ATM: variants seen among roughly 807,000 people sequenced by gnomAD.
ATM encodes the protein serine-protein kinase ATM.
Under a neutral mutation model 387.0 loss-of-function variants are expected in ATM, and 308 were observed. The ratio of observed to expected loss-of-function variants is 0.80; its 90% CI spans 0.73 to 0.87. The LOEUF is 0.87. Ranked by LOEUF, ATM falls within the 40% of genes least tolerant of loss-of-function variation. The pLI, the probability that ATM is intolerant of heterozygous loss-of-function variation, is 0.00. For missense variants in ATM, 3,312 were observed against 3,560.9 expected (o/e 0.93, Z 1.78); for synonymous variants, 1,156 against 1,187.3 (o/e 0.97, Z 0.54).
At position 108,284,396 on chromosome 11, in the gene ATM, A is replaced by G; in HGVS notation, c.3916A>G (p.Ser1306Gly). The G allele has an allele frequency of 6.2e-7, 1 of 1,614,000 alleles. No homozygotes were observed. The highest frequency in any genetic ancestry group is 1.1e-5 in the South Asian group (1 of 91,076). ...PYFAYEGTRD[S>G]GMAQQRETAT... ...TTTTGCCTATGAGGGTACCAGAGAC[A>G]GTGGGATGGCACAGCAAAGAGAGAC... The change falls in exon 26 of 63, where the codon AGT (serine) becomes GGT (glycine). Residue 1306 changes from serine to glycine, a missense_variant. Physicochemically the swap from Ser to Gly is moderately conservative, Grantham distance 56. Around this residue, in one of 4 missense-constraint regions of ATM, gnomAD observed 1,791 missense variants for 1,804.5 expected, o/e 0.99. Coordinates refer to ENST00000675843, the MANE Select transcript of ATM (RefSeq NM_000051.4).
At chr11:108,358,378 A>G (rs1044284357) in intron 61 of ATM, among the ~76,000 whole-genome samples, 7 of 147,332 alleles carry the variant, frequency 4.8e-5, no homozygotes, top group East Asian at 4.0e-4. Context: ...TCTGCAGGAT[A>G]TTATCCAGGA....
At chr11:108,360,237 C>T (rs2090558266) in intron 61 of ATM, among the ~76,000 whole-genome samples, 1 of 143,770 alleles carries the variant, frequency 7.0e-6, no homozygotes, top group African/African-American at 2.5e-5. Context: ...TCTCCCAAGA[C>T]TAAACCAGGA....
Position 108,326,149 on chromosome 11 carries a change from G to T in ATM, c.6899G>T (p.Trp2300Leu), listed in dbSNP as rs1555119899. Residue 2300 changes from tryptophan (W) to leucine (L), a missense_variant, in exon 47 of 63, where the codon TGG (tryptophan) becomes TTG (leucine). Coordinates refer to ENST00000675843, the MANE Select transcript of ATM (RefSeq NM_000051.4). Reference protein sequence around the residue: ...EWQLEEAQVFWAKKEQSLALS... With the variant: ...EWQLEEAQVFLAKKEQSLALS... Reference sequence around the variant, plus strand: ...CAGCTGGAAGAAGCACAAGTATTCTGGGCAAAAAAGGAGCAGAGTCTTGCC... The same window carrying T: ...CAGCTGGAAGAAGCACAAGTATTCTTGGCAAAAAAGGAGCAGAGTCTTGCC... 1 of 1,613,944 alleles carries T rather than the reference G, an allele frequency of 6.2e-7. No homozygotes were observed. Among genetic ancestry groups the T allele is most frequent in the East Asian group, 2.2e-5 (1 of 44,870 alleles).
rs1337545443 is a variant in ATM, at chr11:108,264,146, A to T, written c.2467-3025A>T. Among the ~76,000 whole-genome samples the T allele has an allele frequency of 5.9e-4, 89 of 151,254 alleles. 1 individual carries two copies. Among genetic ancestry groups the T allele is most frequent in the Non-Finnish European group, 9.3e-4 (63 of 67,990 alleles). On this transcript the variant is annotated intron_variant, in intron 16 of 62. Transcript: ENST00000675843. ...ACTCATTTTATGAGGCCAGCATCAT[A>T]CTGATACCAAAGCCAGGCAGAGACA... is the stretch of plus-strand genomic sequence containing the variant.
intron 34 of ATM, among the ~76,000 whole-genome samples, chr11:108,300,482 C>T (rs1432487763): frequency 6.6e-6 from 1 of 152,142 alleles, no homozygotes; most frequent in Non-Finnish European, 1.5e-5. Flanking sequence ...ACTCCATCAC[C>T]ACCATATTTG....
intron 4 of ATM, among the ~76,000 whole-genome samples, chr11:108,232,527 CTTTTTTTTTTTTTTTTTTT>C (rs71047685): frequency 2.6e-3 from 149 of 58,216 alleles, no homozygotes; most frequent in South Asian, 6.5e-3. Context: ...GATTTCTCTC[CTTTTTTTTTTTTTTTTTTT>C]TTTTTTTTTT....
intron 22 of ATM, among the ~76,000 whole-genome samples, chr11:108,277,190 C>A (rs2081989963): frequency 6.6e-6 from 1 of 152,078 alleles, no homozygotes; most frequent in South Asian, 2.1e-4. Context: ...CTACTGAAGC[C>A]TCAGTAATTG....
At chr11:108,339,389 T>C (rs779372916) in intron 56 of ATM, among the ~76,000 whole-genome samples, 2 of 152,176 alleles carry the variant, frequency 1.3e-5, no homozygotes, top group Non-Finnish European at 2.9e-5. Context: ...TCTATCTCAG[T>C]CATGGTTCTG....
intron 38 of ATM, chr11:108,308,937 A>T: frequency 1.6e-6 from 2 of 1,280,512 alleles, no homozygotes; most frequent in Non-Finnish European, 2.2e-6. Flanking sequence ...TGGTGTTGGG[A>T]GGCAGTTTTA....
At chr11:108,345,619 G>T in intron 57 of ATM, 124 bp from the exon 58 acceptor site, 1 of 754,398 alleles carries the variant, frequency 1.3e-6, no homozygotes, top group Non-Finnish European at 2.1e-6. Flanking sequence ...TTAGCTTCTT[G>T]TAGGTAATGT....
Position 108,366,540 on chromosome 11 carries a change from T to C in ATM, c.*1032T>C, listed in dbSNP as rs2091342093. On this transcript the variant is annotated 3_prime_UTR_variant, in exon 63 of 63. Transcript: ENST00000675843. ...GGCTGTTCATCCAGTTTTGTCTTTT[T>C]GAAAAGTGAGTTTATTTTCAGCAAG... is the stretch of plus-strand genomic sequence containing the variant. 1 of 229,376 alleles carries C rather than the reference T, an allele frequency of 4.4e-6. No individual in the cohort carries two copies. Among genetic ancestry groups the C allele is most frequent in the Middle Eastern group, 1.3e-3 (1 of 764 alleles). 14.2% of individuals were successfully genotyped at this position (229,376 alleles called of 1,614,324 possible).
chr11:108,354,663 T>G (rs1399456338), intron 60 of ATM, 148 bp from the exon 61 acceptor site: 1 of 763,906 alleles, frequency 1.3e-6, no homozygotes, highest in African/African-American at 1.7e-5. Context: ...GAAAGCCCAC[T>G]CTGCCAAGTA....
At chr11:108,357,591 G>C (rs903265520) in intron 61 of ATM, among the ~76,000 whole-genome samples, 2 of 152,196 alleles carry the variant, frequency 1.3e-5, no homozygotes, top group Non-Finnish European at 2.9e-5. Flanking sequence ...CACGCAGCTG[G>C]AGATCGGACA....
At chr11:108,294,830 C>G (rs2135830693) in intron 31 of ATM, 97 bp from the exon 32 acceptor site, 1 of 1,340,884 alleles carries the variant, frequency 7.5e-7, no homozygotes, top group Non-Finnish European at 1.1e-6. Flanking sequence ...GAGTCAGTGT[C>G]TATAAATGGC....
At chr11:108,247,222 A>C (rs979580436) in intron 8 of ATM, 95 bp downstream of exon 8, 4 of 1,218,712 alleles carry the variant, frequency 3.3e-6, no homozygotes, top group Non-Finnish European at 4.8e-6. Flanking sequence ...GTTCTCACAA[A>C]AAGCCTATAA....
rs1555071952 is a variant in ATM, at chr11:108,251,967, C to T, written c.1738C>T (p.Leu580Phe). The T allele has an allele frequency of 1.2e-6, 2 of 1,613,748 alleles. No individual in the cohort carries two copies. Among genetic ancestry groups the T allele is most frequent in the Non-Finnish European group, 1.7e-6 (2 of 1,179,762 alleles). ...TTTAAAGGAATCAATAATGAAATGG[C>T]TCTTATTCTATCAGTTAGAGGGTGA... The part of the protein sequence containing the change: ...FSLKESIMKW[L>F]LFYQLEGDLE... The change falls in exon 11 of 63, where the codon CTC becomes TTC. Residue 580 changes from leucine (L) to phenylalanine (F), a missense_variant. By Grantham distance (22) the Leu-to-Phe change is conservative. Coordinates refer to ENST00000675843, the MANE Select transcript of ATM (RefSeq NM_000051.4).
chr11:108,273,608 C>T (rs780639177), intron 22 of ATM, among the ~76,000 whole-genome samples: 2 of 151,964 alleles, frequency 1.3e-5, no homozygotes, highest in Non-Finnish European at 2.9e-5. Context: ...TCCCAAAGTG[C>T]TGAGATTACA....
At chr11:108,244,692 G>C in intron 6 of ATM, 96 bp from the exon 7 acceptor site, 1 of 956,006 alleles carries the variant, frequency 1.0e-6, no homozygotes, top group East Asian at 2.4e-5. Flanking sequence ...TTAGGGTTTT[G>C]TTTTTTTTTC....
In ATM at chr11:108,252,070, T is replaced by C. The variant is rs752359325; in HGVS notation, c.1802+39T>C. On this transcript the variant is annotated intron_variant, in intron 11 of 62. Transcript: ENST00000675843. ...ATTAGCATGCTGCTGTTTTTTTTGT[T>C]TGTTTTATCAGGCTCTCTCCACTTA... is the stretch of plus-strand genomic sequence containing the variant. 12 of 1,576,362 alleles carry C rather than the reference T, an allele frequency of 7.6e-6. No homozygotes were observed. Among genetic ancestry groups the C allele is most frequent in the Non-Finnish European group, 1.0e-5 (12 of 1,152,584 alleles).
Sources: gnomAD v4.1 joint callset for allele counts (sites outside exome capture counted in the v4.1 genomes callset) on GRCh38, gnomAD v4.1.1 for gene constraint, gnomAD v4.1.1 regional missense constraint, MANE v1.5 for transcripts, NCBI Gene and HGNC (gene_info 2026-07-23, HGNC 2026-07-21) for gene names.